Variants in GABRB2 observed in about 807,000 individuals in gnomAD.
The protein encoded by GABRB2 is gamma-aminobutyric acid receptor subunit beta-2.
A neutral mutation model predicts 54.7 loss-of-function variants in GABRB2; 16 were observed. The observed-to-expected ratio is 0.29, with a 90% CI of 0.20 to 0.44. The LOEUF is 0.44. Ranked by LOEUF, GABRB2 falls within the 20% of genes least tolerant of loss-of-function variation. The pLI is 1.00. For missense variants in GABRB2, 355 were observed against 644.0 expected, an observed-to-expected ratio of 0.55 and a Z score of 4.86; for synonymous variants, 244 against 233.8, an observed-to-expected ratio of 1.04 and a Z score of -0.40.
At chr5:161,455,765 T>C (rs1266358860) in intron 4 of GABRB2, among the ~76,000 whole-genome samples, 1 of 151,796 alleles carries the variant, frequency 6.6e-6, no homozygotes, top group Non-Finnish European at 1.5e-5. Flanking sequence ...ACTCCTGAGG[T>C]CAAGCAATCT....
chr5:161,411,241 C>A (rs541638547), intron 4 of GABRB2, among the ~76,000 whole-genome samples, 184 bp from the exon 5 acceptor site: 1 of 152,280 alleles, frequency 6.6e-6, no homozygotes, highest in African/African-American at 2.4e-5. Context: ...AGAGACTGGA[C>A]TAAATCTGCA....
chr5:161,336,505 G>A lies in GABRB2; in HGVS notation c.679+127C>T, dbSNP rs1378276036. 11 of 1,099,904 alleles carry A rather than the reference G, an allele frequency of 1.0e-5. No homozygotes were observed. In the East Asian group the frequency reaches 1.0e-4, roughly 10 times the overall value. The allele number at this position is 1,099,904 out of a possible 1,614,324, so 68.1% of individuals were successfully genotyped here. A position where few individuals can be genotyped will look rare whatever the true frequency, so the allele number is the denominator to read the frequency against. On this transcript the variant is annotated intron_variant, in intron 6 of 9. Coordinates refer to ENST00000393959, the MANE Select transcript of GABRB2 (RefSeq NM_001371727.1). ...AACAATAGACTTCATGGGAAACTGAGGGTTTTCAGTGGATTTGTCTTGTAA... is the reference window on the plus strand; with the variant it reads ...AACAATAGACTTCATGGGAAACTGAAGGTTTTCAGTGGATTTGTCTTGTAA...
At chr5:161,514,465 T>C (rs1481709587) in intron 3 of GABRB2, among the ~76,000 whole-genome samples, 1 of 152,198 alleles carries the variant, frequency 6.6e-6, no homozygotes, top group Non-Finnish European at 1.5e-5. Flanking sequence ...TGTTCATCTT[T>C]TTATCTCCCA....
chr5:161,541,134 T>C (rs991423818), intron 3 of GABRB2, among the ~76,000 whole-genome samples: 2 of 152,060 alleles, frequency 1.3e-5, no homozygotes, highest in Non-Finnish European at 2.9e-5. Context: ...GCGTCAGCCA[T>C]TGCACCTGGT....
intron 5 of GABRB2, among the ~76,000 whole-genome samples, chr5:161,357,559 A>G (rs371909468): frequency 2.1e-4 from 32 of 152,066 alleles, no homozygotes; most frequent in African/African-American, 7.7e-4. Context: ...CTGTGTGTTA[A>G]GAGAATTATT....
At chr5:161,418,184 C>T (rs1014438188) in intron 4 of GABRB2, among the ~76,000 whole-genome samples, 3 of 152,146 alleles carry the variant, frequency 2.0e-5, no homozygotes, top group Non-Finnish European at 2.9e-5. Flanking sequence ...CAGCACTATG[C>T]AACAAAAATC....
intron 4 of GABRB2, among the ~76,000 whole-genome samples, chr5:161,415,096 C>T (rs942255899): frequency 2.6e-5 from 4 of 152,158 alleles, no homozygotes; most frequent in African/African-American, 9.7e-5. Flanking sequence ...CCTTAAATAA[C>T]TCAACGCCAC....
intron 3 of GABRB2, among the ~76,000 whole-genome samples, chr5:161,513,425 T>C (rs1759839157): frequency 1.3e-5 from 2 of 152,168 alleles, no homozygotes; most frequent in South Asian, 2.1e-4. Flanking sequence ...GTGGTATATA[T>C]ATACAATGGA....
At chr5:161,392,228 A>C (rs1269266432) in intron 5 of GABRB2, among the ~76,000 whole-genome samples, 2 of 152,204 alleles carry the variant, frequency 1.3e-5, no homozygotes, top group Admixed American at 6.5e-5. Context: ...AGCTGTGCTC[A>C]AAGCTCATTT....
intron 3 of GABRB2, among the ~76,000 whole-genome samples, chr5:161,494,123 A>G (rs562380891): frequency 1.3e-5 from 2 of 151,966 alleles, no homozygotes; most frequent in Non-Finnish European, 2.9e-5. Context: ...AGTTACCATA[A>G]AACATAATCT....
At chr5:161,530,081 C>A (rs573122597) in intron 3 of GABRB2, among the ~76,000 whole-genome samples, 1 of 152,168 alleles carries the variant, frequency 6.6e-6, no homozygotes, top group South Asian at 2.1e-4. Flanking sequence ...TAAAGTCCAA[C>A]AGCATAAGTA....
At chr5:161,469,698 C>CACATAT (rs1444084242) in intron 3 of GABRB2, among the ~76,000 whole-genome samples, 1 of 151,356 alleles carries the variant, frequency 6.6e-6, no homozygotes, top group African/African-American at 2.4e-5. Context: ...CATACACATA[C>CACATAT]ACATACACAT....
At chr5:161,427,757 A>C (rs566105867) in intron 4 of GABRB2, among the ~76,000 whole-genome samples, 1 of 152,330 alleles carries the variant, frequency 6.6e-6, no homozygotes, top group Admixed American at 6.5e-5. Flanking sequence ...GGCTAGGTAA[A>C]GATATATTTC....
intron 3 of GABRB2, among the ~76,000 whole-genome samples, chr5:161,542,071 C>G (rs1255686085): frequency 6.6e-6 from 1 of 152,180 alleles, no homozygotes; most frequent in Non-Finnish European, 1.5e-5. Context: ...GGGAGACGGA[C>G]AGGGGGATGA....
intron 5 of GABRB2, among the ~76,000 whole-genome samples, chr5:161,355,572 T>A (rs962749693): frequency 1.3e-5 from 2 of 151,892 alleles, no homozygotes; most frequent in Non-Finnish European, 1.5e-5. Context: ...TCATAACTGT[T>A]TTTGAATAAA....
intron 5 of GABRB2, among the ~76,000 whole-genome samples, chr5:161,406,770 G>T (rs1313181299): frequency 6.6e-6 from 1 of 152,142 alleles, no homozygotes; most frequent in South Asian, 2.1e-4. Context: ...TGTCACAAAG[G>T]GCAGTGTGTA....
intron 3 of GABRB2, among the ~76,000 whole-genome samples, chr5:161,494,613 C>T (rs2113361669): frequency 6.7e-6 from 1 of 148,824 alleles, no homozygotes; most frequent in African/African-American, 2.5e-5. Context: ...CCAGAATCTT[C>T]CAAAGTATAA....
chr5:161,457,058 A>G (rs1268453406), intron 4 of GABRB2, among the ~76,000 whole-genome samples: 1 of 152,204 alleles, frequency 6.6e-6, no homozygotes, highest in Non-Finnish European at 1.5e-5. Flanking sequence ...ATTTCTCTCT[A>G]AGGAATAAAT....
At chr5:161,399,496 T>C (rs141335409) in intron 5 of GABRB2, among the ~76,000 whole-genome samples, 239 of 152,282 alleles carry the variant, frequency 1.6e-3, no homozygotes, top group Non-Finnish European at 2.6e-3. Context: ...GTGGTTTCCA[T>C]CTAGCAGCTA....
Sources: allele counts gnomAD v4.1 joint callset (sites outside exome capture counted in the v4.1 genomes callset), GRCh38; gene constraint gnomAD v4.1.1; transcripts MANE v1.5; gene names NCBI Gene and HGNC (gene_info 2026-07-23, HGNC 2026-07-21).